The following CARD10 variants were observed in gnomAD, a reference collection of about 807,000 sequenced individuals.
CARD10 encodes the protein caspase recruitment domain-containing protein 10.
A neutral mutation model predicts 114.6 loss-of-function variants in CARD10; 49 were observed. That is an observed-to-expected ratio of 0.43 (90% CI 0.34 to 0.54). CARD10 has a LOEUF of 0.54. Ranked by LOEUF, CARD10 falls within the 20% of genes least tolerant of loss-of-function variation. The pLI, the probability that CARD10 is intolerant of heterozygous loss-of-function variation, is 0.03. For synonymous variants in CARD10, 602 were observed against 593.2 expected (o/e 1.01, Z -0.21); for missense variants, 1,206 against 1,397.2 (o/e 0.86, Z 2.18).
chr22:37,499,713 A>G (rs539607587), intron 11 of CARD10, among the ~76,000 whole-genome samples: 5 of 152,186 alleles, frequency 3.3e-5, no homozygotes, highest in African/African-American at 1.2e-4. Context: ...GCCTCCACAG[A>G]CCAGGAATAC....
At position 37,496,395 on chromosome 22, in the gene CARD10, C is replaced by T. The variant is rs1038035191; in HGVS notation, c.2059+54G>A. The T allele has an allele frequency of 8.3e-6, 11 of 1,323,702 alleles. No individual in the cohort carries two copies. The highest frequency in any genetic ancestry group is 5.9e-5 in the African/African-American group (4 of 68,256). 82.0% of individuals were successfully genotyped at this position (1,323,702 alleles called of 1,614,324 possible). A position where few individuals can be genotyped will look rare whatever the true frequency, so the allele number is the denominator to read the frequency against. ...TGGTCCCTCCCCACCCCATGCACCA[C>T]GGGTTAGAGGACCCCTCTGGGGCCA... On this transcript the variant is annotated intron_variant, in intron 13 of 19. Coordinates refer to ENST00000251973, the MANE Select transcript of CARD10 (RefSeq NM_014550.4). This position sits in a 1 kb window ranked among gnomAD's most constrained non-coding sequence, Gnocchi z 4.1.
At position 37,519,252 on chromosome 22, in the gene CARD10, C is replaced by A. The variant is rs1601821895; in HGVS notation, c.-52G>T. 6.9e-7 allele frequency: 1 copy of A among 1,445,828 alleles called. No individual in the cohort carries two copies. The highest frequency in any genetic ancestry group is 9.1e-7 in the Non-Finnish European group (1 of 1,101,068). The allele number at this position is 1,445,828 out of a possible 1,614,324, so 89.6% of individuals were successfully genotyped here. A position where few individuals can be genotyped will look rare whatever the true frequency, so the allele number is the denominator to read the frequency against. On this transcript the variant is annotated 5_prime_UTR_variant, in exon 1 of 20. Coordinates refer to ENST00000251973, the MANE Select transcript of CARD10 (RefSeq NM_014550.4). The surrounding 1 kb of genome is among the most constrained non-coding windows in gnomAD (Gnocchi z 4.1). ...AGAGGCGCACGGGGGTCGACCAGGGCTCCCTAGGGCTAGATGTGCGGCCAA... is the reference window on the plus strand; with the variant it reads ...AGAGGCGCACGGGGGTCGACCAGGGATCCCTAGGGCTAGATGTGCGGCCAA...
At chr22:37,503,310 A>C in intron 9 of CARD10, 97 bp from the exon 10 acceptor site, 65 of 1,246,738 alleles carry the variant, frequency 5.2e-5, no homozygotes, top group Non-Finnish European at 6.4e-5. Context: ...TAAATGTCTC[A>C]CAGCCCCCAA....
At chr22:37,499,868 T>C (rs1259201996) in intron 11 of CARD10, among the ~76,000 whole-genome samples, 1 of 151,912 alleles carries the variant, frequency 6.6e-6, no homozygotes, top group Non-Finnish European at 1.5e-5. Context: ...GGCTGCCTGC[T>C]CCCCGCTCCT....
chr22:37,518,221 G>A, intron 1 of CARD10, 113 bp from the exon 2 acceptor site: 1 of 1,024,876 alleles, frequency 9.8e-7, no homozygotes, highest in Non-Finnish European at 1.4e-6. Flanking sequence ...TTTTGAGCCA[G>A]TGACACACAC....
At position 37,492,375 on chromosome 22, in the gene CARD10, A is replaced by G. The variant is rs1922834473; in HGVS notation, c.2751+60T>C. ...TCAGACGCTGGCGCTCAAGCCCAGAACAGCAGCACCCGCTCTGGGCCACCT... is the reference window on the plus strand; with the variant it reads ...TCAGACGCTGGCGCTCAAGCCCAGAGCAGCAGCACCCGCTCTGGGCCACCT... On this transcript the variant is annotated intron_variant, in intron 18 of 19. Transcript: ENST00000251973. The surrounding 1 kb of genome is among the most constrained non-coding windows in gnomAD (Gnocchi z 5.7). The G allele has an allele frequency of 7.8e-7, 1 of 1,280,468 alleles. No individual in the cohort carries two copies. The highest frequency in any genetic ancestry group is 2.4e-5 in the Admixed American group (1 of 41,286). 79.3% of individuals were successfully genotyped at this position (1,280,468 alleles called of 1,614,324 possible).
At chr22:37,509,861 C>T (rs1923566301) in intron 4 of CARD10, among the ~76,000 whole-genome samples, 1 of 53,268 alleles carries the variant, frequency 1.9e-5, no homozygotes. Flanking sequence ...GTACCTACCG[C>T]AGGCCCTCCT....
rs773684555 is a variant in CARD10, at chr22:37,491,814, G to C, written c.2805C>G (p.Asn935Lys). The change falls in exon 19 of 20, where the codon AAC (asparagine) becomes AAG (lysine). Residue 935 changes from asparagine to lysine, a missense_variant. Asn to Lys is a moderately conservative substitution (Grantham distance 94). Coordinates refer to ENST00000251973, the MANE Select transcript of CARD10 (RefSeq NM_014550.4). ...GARGVRELVQ[N>K]EIYPIVIHVE... ...CGTGGATGACGATGGGGTAGATCTC[G>C]TTCTGCACCAGCTCCCGCACACCCC... 2.5e-6 allele frequency: 4 copies of C among 1,605,038 alleles called. No homozygotes were observed. In the African/African-American group the frequency reaches 5.4e-5, roughly 22 times the overall value.
At position 37,504,628 on chromosome 22, in the gene CARD10, G is replaced by A; in HGVS notation, c.1518+7C>T. 1.4e-6 allele frequency: 2 copies of A among 1,480,556 alleles called. No individual in the cohort carries two copies. Among genetic ancestry groups the A allele is most frequent in the Non-Finnish European group, 9.0e-7 (1 of 1,116,000 alleles). The allele number at this position is 1,480,556 out of a possible 1,614,324, so 91.7% of individuals were successfully genotyped here. ...CCCCCTTATTTGGGATGGGGCAGTT[G>A]TCTTACCGAGTTGTGAGGCTCAGGT... On this transcript the variant is annotated splice_region_variant and intron_variant, in intron 8 of 19. Coordinates refer to ENST00000251973, the MANE Select transcript of CARD10 (RefSeq NM_014550.4).
chr22:37,491,183 G>C lies in CARD10; in HGVS notation c.3075C>G (p.Gly1025=). 6.4e-7 allele frequency: 1 copy of C among 1,568,188 alleles called. No individual in the cohort carries two copies. Among genetic ancestry groups the C allele is most frequent in the African/African-American group, 1.3e-5 (1 of 74,254 alleles). The change falls in exon 20 of 20, where the codon GGC becomes GGG. Residue 1025 remains glycine (G), a synonymous_variant. Coordinates refer to ENST00000251973, the MANE Select transcript of CARD10 (RefSeq NM_014550.4). ...CTCAGGCCTCACTGCTGCTGGGGCAGCCTCTGCTGCTGCCGCACTCCACCC... is the reference window on the plus strand; with the variant it reads ...CTCAGGCCTCACTGCTGCTGGGGCACCCTCTGCTGCTGCCGCACTCCACCC... ...LVWVECGSSR[G]CPSSSEA
intron 11 of CARD10, among the ~76,000 whole-genome samples, chr22:37,499,143 C>T (rs1333899104): frequency 4.6e-5 from 7 of 152,176 alleles, no homozygotes; most frequent in Non-Finnish European, 7.4e-5. Flanking sequence ...GCATGTGTAC[C>T]GGGTTTCTCT....
intron 7 of CARD10, among the ~76,000 whole-genome samples, chr22:37,505,657 A>T (rs1177127043): frequency 6.6e-6 from 1 of 150,856 alleles, no homozygotes; most frequent in Non-Finnish European, 1.5e-5. Flanking sequence ...AAAAAAAGGA[A>T]AAAGCAGAGC....
At chr22:37,494,685 G>A (rs977780897) in intron 15 of CARD10, 19 of 167,282 alleles carry the variant, frequency 1.1e-4, no homozygotes, top group South Asian at 1.4e-4. Flanking sequence ...ACTAACTCAC[G>A]GAAGTCATCT....
At chr22:37,503,129 C>T in intron 10 of CARD10, 56 bp downstream of exon 10, 2 of 1,584,482 alleles carry the variant, frequency 1.3e-6, no homozygotes, top group Non-Finnish European at 1.7e-6. Context: ...AGGTGGGCTG[C>T]AAAGCCACCT....
In CARD10 at chr22:37,504,623, C is replaced by T. The variant is rs1923339100; in HGVS notation, c.1518+12G>A. 1.4e-6 allele frequency: 2 copies of T among 1,471,114 alleles called. No homozygotes were observed. The highest frequency in any genetic ancestry group is 1.8e-6 in the Non-Finnish European group (2 of 1,110,666). 91.1% of individuals were successfully genotyped at this position (1,471,114 alleles called of 1,614,324 possible). A position where few individuals can be genotyped will look rare whatever the true frequency, so the allele number is the denominator to read the frequency against. Reference sequence around the variant, plus strand: ...GTGTCCCCCCTTATTTGGGATGGGGCAGTTGTCTTACCGAGTTGTGAGGCT... The same window carrying T: ...GTGTCCCCCCTTATTTGGGATGGGGTAGTTGTCTTACCGAGTTGTGAGGCT... On this transcript the variant is annotated intron_variant, in intron 8 of 19. Coordinates refer to ENST00000251973, the MANE Select transcript of CARD10 (RefSeq NM_014550.4).
intron 4 of CARD10, 33 bp from the exon 5 acceptor site, chr22:37,508,715 C>T (rs563122887): frequency 1.3e-6 from 2 of 1,528,928 alleles, no homozygotes; most frequent in Admixed American, 2.0e-5. Context: ...ACCTCAGGGT[C>T]TGGCTAGGGG....
chr22:37,503,055 G>A lies in CARD10; in HGVS notation c.1663+130C>T, dbSNP rs1923274172. 5 of 1,036,436 alleles carry A rather than the reference G, an allele frequency of 4.8e-6. No individual in the cohort carries two copies. In the South Asian group the frequency reaches 7.2e-5, roughly 15 times the overall value. The allele number at this position is 1,036,436 out of a possible 1,614,324, so 64.2% of individuals were successfully genotyped here. On this transcript the variant is annotated intron_variant, in intron 10 of 19. Transcript: ENST00000251973. The stretch of plus-strand genomic sequence containing the variant: ...CAAGCACAACCTTCCTGCCTGGCAG[G>A]GGCCACGGCGGGGCTTCAGGGAAGG...
At chr22:37,507,395 G>A (rs1923450524) in intron 6 of CARD10, among the ~76,000 whole-genome samples, 3 of 152,222 alleles carry the variant, frequency 2.0e-5, no homozygotes, top group South Asian at 2.1e-4. Context: ...AGGCTCGGGG[G>A]CCTGGTGGCA....
intron 5 of CARD10, 109 bp from the exon 6 acceptor site, chr22:37,508,063 C>A: frequency 7.3e-7 from 1 of 1,365,758 alleles, no homozygotes. Flanking sequence ...CAGTCTGAGA[C>A]CCAATAACAA....
Sources: gnomAD v4.1 joint callset for allele counts (sites outside exome capture counted in the v4.1 genomes callset) on GRCh38, gnomAD v4.1.1 for gene constraint, Gnocchi (gnomAD v3.1) non-coding constraint, MANE v1.5 for transcripts, NCBI Gene and HGNC (gene_info 2026-07-23, HGNC 2026-07-21) for gene names.